TRRAP: variants seen among roughly 807,000 people sequenced by gnomAD.
TRRAP encodes the protein transformation/transcription domain associated protein, also known as transformation/transcription domain-associated protein.
Under a neutral mutation model 438.8 loss-of-function variants are expected in TRRAP, and 41 were observed. The observed-to-expected ratio is 0.09, with a 90% CI of 0.07 to 0.12. TRRAP has a LOEUF of 0.12. Among genes scored for constraint, TRRAP ranks in the 10% least tolerant of loss-of-function variants. The pLI is 1.00. For synonymous variants in TRRAP, 1,994 were observed against 1,962.9 expected (o/e 1.02, Z -0.42); for missense variants, 3,122 against 5,055.1 (o/e 0.62, Z 11.60).
At chr7:98,906,998 T>C (rs1184881269) in intron 13 of TRRAP, among the ~76,000 whole-genome samples, 1 of 151,506 alleles carries the variant, frequency 6.6e-6, no homozygotes, top group Non-Finnish European at 1.5e-5. Flanking sequence ...TATGTCCGTA[T>C]AATCTTTGTT....
At chr7:98,974,627 C>T (rs754532355) in intron 53 of TRRAP, among the ~76,000 whole-genome samples, 1 of 152,122 alleles carries the variant, frequency 6.6e-6, no homozygotes, top group African/African-American at 2.4e-5. Context: ...ATCATAATCC[C>T]GGATGTTGAA....
intron 52 of TRRAP, among the ~76,000 whole-genome samples, chr7:98,970,670 A>G (rs1324359791): frequency 6.6e-6 from 1 of 151,658 alleles, no homozygotes; most frequent in African/African-American, 2.4e-5. Flanking sequence ...TCACGTTACC[A>G]TGAGCTAGTA....
intron 65 of TRRAP, 68 bp from the exon 66 acceptor site, chr7:98,993,470 T>C (rs1417516495): frequency 1.9e-6 from 3 of 1,542,948 alleles, no homozygotes; most frequent in South Asian, 1.2e-5. Flanking sequence ...CCATGGGTCC[T>C]GCAGCGCTCC....
At chr7:98,983,852 G>A (rs554111551) in intron 60 of TRRAP, among the ~76,000 whole-genome samples, 2 of 152,218 alleles carry the variant, frequency 1.3e-5, no homozygotes, top group South Asian at 4.1e-4. Context: ...GCATCCACGT[G>A]TTTAGAGCAG....
In TRRAP at chr7:98,890,450, T is replaced by C. The variant is rs1554404646; in HGVS notation, c.261+5T>C. On this transcript the variant is annotated splice_donor_5th_base_variant and intron_variant, in intron 4 of 72. Coordinates refer to ENST00000456197, the MANE Select transcript of TRRAP (RefSeq NM_001375524.1). ...CTTCAGGAGAAACCAGCACAGGTAA[T>C]GTAAAAAAATAACATGAGAAGACAA... is the stretch of plus-strand genomic sequence containing the variant. 2 of 1,562,582 alleles carry C rather than the reference T, an allele frequency of 1.3e-6. No homozygotes were observed. Among genetic ancestry groups the C allele is most frequent in the Non-Finnish European group, 1.7e-6 (2 of 1,157,822 alleles).
intron 4 of TRRAP, 72 bp from the exon 5 acceptor site, chr7:98,892,352 G>C (rs558195139): frequency 8.0e-7 from 1 of 1,246,540 alleles, no homozygotes; most frequent in Non-Finnish European, 1.2e-6. Context: ...GACACTTGCA[G>C]AGTGTGAGAT....
intron 67 of TRRAP, chr7:98,999,320 AAAGTCC>A (rs1793813286): frequency 1.5e-6 from 2 of 1,372,176 alleles, no homozygotes; most frequent in Non-Finnish European, 2.1e-6. Flanking sequence ...AAGCTTGATC[AAAGTCC>A]AAGATTTCCT....
At chr7:98,985,068 T>A in intron 62 of TRRAP, 24 bp downstream of exon 62, 1 of 1,508,046 alleles carries the variant, frequency 6.6e-7, no homozygotes, top group Admixed American at 1.9e-5. Context: ...ATTGAAAGGA[T>A]AAGAGAAAAA....
chr7:98,977,088 A>G lies in TRRAP; in HGVS notation c.8385+12A>G. 1 of 1,614,154 alleles carries G rather than the reference A, an allele frequency of 6.2e-7. No individual in the cohort carries two copies. The highest frequency in any genetic ancestry group is 8.5e-7 in the Non-Finnish European group (1 of 1,180,012). Reference sequence around the variant, plus strand: ...GGTTCTTTGAGCAGGTAAACCTCAGACCACTGACGGTCTTGGGTGTGTAAT... The same window carrying G: ...GGTTCTTTGAGCAGGTAAACCTCAGGCCACTGACGGTCTTGGGTGTGTAAT... On this transcript the variant is annotated intron_variant, in intron 56 of 72. Coordinates refer to ENST00000456197, the MANE Select transcript of TRRAP (RefSeq NM_001375524.1).
intron 20 of TRRAP, among the ~76,000 whole-genome samples, chr7:98,918,365 G>C (rs1789621054): frequency 6.6e-6 from 1 of 151,476 alleles, no homozygotes; most frequent in Non-Finnish European, 1.5e-5. Flanking sequence ...TGAGTAGCTG[G>C]GACTACAGAC....
At chr7:98,985,103 T>C (rs1474493783) in intron 62 of TRRAP, 59 bp downstream of exon 62, 5 of 1,261,396 alleles carry the variant, frequency 4.0e-6, no homozygotes, top group Non-Finnish European at 5.7e-6. Context: ...TTAAAGTTAT[T>C]TATAACCTGA....
In TRRAP at chr7:98,890,583, T is replaced by G. The variant is rs1269865915; in HGVS notation, c.261+138T>G. On this transcript the variant is annotated intron_variant, in intron 4 of 72. Transcript: ENST00000456197. ...TAAGGATAACTTTGTTCAAGACCGC[T>G]GCCTCCTCAGTTACATGTCTTGGTT... 1.5e-5 allele frequency: 9 copies of G among 595,542 alleles called. No homozygotes were observed. The South Asian group carries it at 2.3e-4, about 15-fold the overall frequency. 36.9% of individuals were successfully genotyped at this position (595,542 alleles called of 1,614,324 possible). A position where few individuals can be genotyped will look rare whatever the true frequency, so the allele number is the denominator to read the frequency against.
chr7:98,948,095 G>A lies in TRRAP; in HGVS notation c.4549-126G>A. The A allele has an allele frequency of 2.9e-6, 4 of 1,387,846 alleles. No homozygotes were observed. Among genetic ancestry groups the A allele is most frequent in the Non-Finnish European group, 4.0e-6 (4 of 1,009,902 alleles). The allele number at this position is 1,387,846 out of a possible 1,614,324, so 86.0% of individuals were successfully genotyped here. ...CTAGTAAGTTGTGGCTTTTACATGT[G>A]AACCCTTCGCTTCACTGCCTAGCCT... On this transcript the variant is annotated intron_variant, in intron 33 of 72. Coordinates refer to ENST00000456197, the MANE Select transcript of TRRAP (RefSeq NM_001375524.1). The surrounding 1 kb of genome is among the most constrained non-coding windows in gnomAD (Gnocchi z 4.9).
At chr7:98,906,746 T>C (rs116953416) in intron 13 of TRRAP, among the ~76,000 whole-genome samples, 3 of 152,148 alleles carry the variant, frequency 2.0e-5, no homozygotes, top group Non-Finnish European at 4.4e-5. Flanking sequence ...AATTGCAGGA[T>C]TTTTGGAAAG....
intron 45 of TRRAP, among the ~76,000 whole-genome samples, chr7:98,960,060 G>A (rs914173201): frequency 2.6e-5 from 4 of 152,022 alleles, no homozygotes; most frequent in Admixed American, 1.3e-4. Flanking sequence ...TGCATTTTGT[G>A]GACTCGTTTC....
Position 98,933,298 on chromosome 7 carries a change from G to A in TRRAP, c.3910G>A (p.Ala1304Thr), listed in dbSNP as rs1554413390. Residue 1304 changes from alanine (A) to threonine (T), a missense_variant, in exon 27 of 73, where the codon GCA becomes ACA. Physicochemically the swap from Ala to Thr is moderately conservative, Grantham distance 58. Coordinates refer to ENST00000456197, the MANE Select transcript of TRRAP (RefSeq NM_001375524.1). Reference protein sequence around the residue: ...KHLLRHQPANAQIGLMEGNTF... With the variant: ...KHLLRHQPANTQIGLMEGNTF... The stretch of plus-strand genomic sequence containing the variant: ...CCTGCTCCGACACCAGCCTGCCAAC[G>A]CACAGATTGGCCTGATGGAGGGGAA... The A allele has an allele frequency of 4.3e-6, 7 of 1,614,104 alleles. No individual in the cohort carries two copies. Among genetic ancestry groups the A allele is most frequent in the Non-Finnish European group, 5.1e-6 (6 of 1,180,020 alleles).
At position 98,988,123 on chromosome 7, in the gene TRRAP, G is replaced by A. The variant is rs534113527; in HGVS notation, c.9390-642G>A. On this transcript the variant is annotated intron_variant, in intron 62 of 72. Transcript: ENST00000456197. Reference sequence around the variant, plus strand: ...ATTTTTGTCGAGGATGTTTGCGTCTGTATCATAAAGCACCTGGGTCTGAAG... The same window carrying A: ...ATTTTTGTCGAGGATGTTTGCGTCTATATCATAAAGCACCTGGGTCTGAAG... Among the ~76,000 whole-genome samples the A allele has an allele frequency of 2.6e-5, 4 of 152,298 alleles. No individual in the cohort carries two copies. The South Asian group carries it at 8.3e-4, about 32-fold the overall frequency.
rs200904574 is a variant in TRRAP at position 98,935,650 on chromosome 7, C to T, written c.4086C>T (p.Leu1362=). 17 of 1,599,200 alleles carry T rather than the reference C, an allele frequency of 1.1e-5. No homozygotes were observed. Among genetic ancestry groups the T allele is most frequent in the Admixed American group, 6.7e-5 (4 of 59,804 alleles). The part of the protein sequence containing the change: ...KLPCYKSLPS[L]VPLRIAALNA... ...CCTGTTATAAAAGCCTTCCGTCACT[C>T]GTACCTTTACGAATTGCGGCATTAA... is the stretch of plus-strand genomic sequence containing the variant. Residue 1362 remains leucine, a synonymous_variant, in exon 28 of 73, where the codon CTC becomes CTT. Coordinates refer to ENST00000456197, the MANE Select transcript of TRRAP (RefSeq NM_001375524.1).
chr7:98,907,595 T>C (rs1554407692), intron 13 of TRRAP, among the ~76,000 whole-genome samples: 2 of 152,228 alleles, frequency 1.3e-5, no homozygotes, highest in African/African-American at 2.4e-5. Flanking sequence ...TTACTCCTGC[T>C]CGAAGCCCTC....
Sources: gnomAD v4.1 joint callset for allele counts (sites outside exome capture counted in the v4.1 genomes callset) on GRCh38, gnomAD v4.1.1 for gene constraint, Gnocchi (gnomAD v3.1) non-coding constraint, MANE v1.5 for transcripts, NCBI Gene and HGNC (gene_info 2026-07-23, HGNC 2026-07-21) for gene names.